Variants in NEK1 observed in about 807,000 individuals in gnomAD.
The protein encoded by NEK1 is serine/threonine-protein kinase Nek1.
In NEK1, 137 loss-of-function variants were observed where a neutral mutation model predicts 182.1. The ratio of observed to expected loss-of-function variants is 0.75; its 90% CI spans 0.65 to 0.87. NEK1 has a LOEUF of 0.87. Among genes scored for constraint, NEK1 ranks in the 40% least tolerant of loss-of-function variants. The pLI, the probability that NEK1 is intolerant of heterozygous loss-of-function variation, is 0.00. For missense variants in NEK1, 1,391 were observed against 1,494.4 expected (o/e 0.93, Z 1.14); for synonymous variants, 513 against 492.2 (o/e 1.04, Z -0.56).
chr4:169,515,706 T>G (rs1429034808), intron 19 of NEK1, among the ~76,000 whole-genome samples: 2 of 94,466 alleles, frequency 2.1e-5, no homozygotes, highest in East Asian at 3.1e-4. Context: ...CCTGTGTCCA[T>G]GTGATCTCAT....
chr4:169,572,044 G>A (rs1363859189), intron 12 of NEK1, among the ~76,000 whole-genome samples: 1 of 151,786 alleles, frequency 6.6e-6, no homozygotes, highest in Non-Finnish European at 1.5e-5. Flanking sequence ...GGGCCCGGCC[G>A]ACCCTGGCTT....
In NEK1 at chr4:169,555,731, G is replaced by A; in HGVS notation, c.1551C>T (p.Ala517=). The change falls in exon 18 of 36, where the codon GCC becomes GCT. Residue 517 remains alanine (A), a synonymous_variant. Coordinates refer to ENST00000507142, the MANE Select transcript of NEK1 (RefSeq NM_001199397.3). ...LKRLKAVSKQ[A]NANRQKGQLA... ...CATCACAGTCCAACCTGTTTGCATT[G>A]GCTTGTTTAGACACCGCCTTCAATC... 6.2e-7 allele frequency: 1 copy of A among 1,613,714 alleles called. No homozygotes were observed. The highest frequency in any genetic ancestry group is 8.5e-7 in the Non-Finnish European group (1 of 1,179,730).
intron 19 of NEK1, among the ~76,000 whole-genome samples, chr4:169,526,178 G>T (rs575146603): frequency 1.3e-5 from 2 of 152,154 alleles, no homozygotes; most frequent in South Asian, 4.1e-4. Context: ...ACCTATACAG[G>T]GAAAATTTTA....
chr4:169,496,319 T>C (rs995240459), intron 23 of NEK1, among the ~76,000 whole-genome samples: 1 of 151,746 alleles, frequency 6.6e-6, no homozygotes, highest in African/African-American at 2.4e-5. Flanking sequence ...ACGATGGGGT[T>C]TTCTAGATAT....
At chr4:169,405,983 A>G (rs1732518279) in intron 32 of NEK1, among the ~76,000 whole-genome samples, 1 of 151,878 alleles carries the variant, frequency 6.6e-6, no homozygotes, top group Admixed American at 6.6e-5. Flanking sequence ...AAGTAATCTC[A>G]GCTACTCAGG....
At position 169,477,451 on chromosome 4, in the gene NEK1, T is replaced by G; in HGVS notation, c.2186A>C (p.Lys729Thr). 1.2e-6 allele frequency: 2 copies of G among 1,607,510 alleles called. No individual in the cohort carries two copies. Among genetic ancestry groups the G allele is most frequent in the South Asian group, 2.2e-5 (2 of 89,202 alleles). The stretch of plus-strand genomic sequence containing the variant: ...ACTTACTGAAATAGCATTGTTGGTC[T>G]TTTGCATCTCTTCTGAAGTTTCCCG... Reference protein sequence around the residue: ...DTRETSEEMQKTNNAISSKRE... With the variant: ...DTRETSEEMQTTNNAISSKRE... The change falls in exon 25 of 36, where the codon AAG (lysine) becomes ACG (threonine). Residue 729 changes from lysine (K) to threonine (T), a missense_variant. Transcript: ENST00000507142.
At chr4:169,587,756 C>A (rs532498132) in intron 8 of NEK1, 143 bp from the exon 9 acceptor site, 2 of 465,710 alleles carry the variant, frequency 4.3e-6, no homozygotes, top group African/African-American at 4.1e-5. Flanking sequence ...CAACCATAAT[C>A]AAATGACAAA....
At chr4:169,523,837 A>T (rs565008930) in intron 19 of NEK1, among the ~76,000 whole-genome samples, 1 of 152,322 alleles carries the variant, frequency 6.6e-6, no homozygotes, top group African/African-American at 2.4e-5. Context: ...TACAGTCATT[A>T]ATTTCTGTAT....
intron 27 of NEK1, among the ~76,000 whole-genome samples, chr4:169,456,004 T>C (rs988080118): frequency 6.6e-6 from 1 of 152,134 alleles, no homozygotes; most frequent in Non-Finnish European, 1.5e-5. Context: ...CCTGAAATTA[T>C]ACCAAGTTTC....
In NEK1 at chr4:169,461,520, C is replaced by A. The variant is rs376423785; in HGVS notation, c.2587+1723G>T. Among the ~76,000 whole-genome samples, 73 of 152,226 alleles carry A rather than the reference C, an allele frequency of 4.8e-4. No homozygotes were observed. The South Asian group carries it at 0.015, about 31-fold the overall frequency. ...ATATAGTACTGATAAAGTAAAGCTACCTCAGCTGTGGCCGCAGAGCATTTC... is the reference window on the plus strand; with the variant it reads ...ATATAGTACTGATAAAGTAAAGCTAACTCAGCTGTGGCCGCAGAGCATTTC... On this transcript the variant is annotated intron_variant, in intron 27 of 35. Coordinates refer to ENST00000507142, the MANE Select transcript of NEK1 (RefSeq NM_001199397.3).
At chr4:169,555,595 C>T in intron 18 of NEK1, 125 bp downstream of exon 18, 1 of 1,296,168 alleles carries the variant, frequency 7.7e-7, no homozygotes, top group Non-Finnish European at 1.1e-6. Context: ...TTATTGTACC[C>T]AAGAGGCAAA....
intron 27 of NEK1, among the ~76,000 whole-genome samples, chr4:169,446,014 G>A (rs1740484536): frequency 6.6e-6 from 1 of 151,754 alleles, no homozygotes; most frequent in Non-Finnish European, 1.5e-5. Flanking sequence ...ACTTATAGGT[G>A]GGAGCTAAAA....
At chr4:169,438,286 T>G (rs759061965) in intron 27 of NEK1, 27 bp from the exon 28 acceptor site, 63 of 1,502,688 alleles carry the variant, frequency 4.2e-5, no homozygotes, top group Non-Finnish European at 5.5e-5. Flanking sequence ...TAAAAAATCA[T>G]GCTAGTTCTC....
At chr4:169,460,120 G>C (rs934782563) in intron 27 of NEK1, among the ~76,000 whole-genome samples, 1 of 152,008 alleles carries the variant, frequency 6.6e-6, no homozygotes, top group Non-Finnish European at 1.5e-5. Flanking sequence ...GTGTGTGTAT[G>C]GGGGAAGGGC....
chr4:169,600,949 C>T (rs57452030), intron 4 of NEK1, among the ~76,000 whole-genome samples: 12,996 of 152,044 alleles, frequency 0.085, 671 homozygotes, highest in East Asian at 0.17. Context: ...TTGCTCAAAA[C>T]CTTTTAACTT....
At chr4:169,493,781 A>G (rs4317165) in intron 23 of NEK1, among the ~76,000 whole-genome samples, 13,037 of 152,302 alleles carry the variant, frequency 0.086, 677 homozygotes, top group East Asian at 0.17. Flanking sequence ...TTCAAGAAAT[A>G]TAAGATTATG....
At position 169,599,156 on chromosome 4, in the gene NEK1, C is replaced by T; in HGVS notation, c.256G>A (p.Gly86Arg). Residue 86 changes from glycine to arginine, a missense_variant, in exon 5 of 36, where the codon GGG (glycine) becomes AGG (arginine). Gly to Arg is a moderately radical substitution (Grantham distance 125, BLOSUM62 -2). Around this residue, in one of 5 missense-constraint regions of NEK1, gnomAD observed 116 missense variants for 114.5 expected, o/e 1.01. Coordinates refer to ENST00000507142, the MANE Select transcript of NEK1 (RefSeq NM_001199397.3). ...LYIVMDYCEG[G>R]DLFKRINAQK... ...GCATTTATTCGCTTAAACAGATCCCCTCCCTCACAGTAATCCATTACTATG... is the reference window on the plus strand; with the variant it reads ...GCATTTATTCGCTTAAACAGATCCCTTCCCTCACAGTAATCCATTACTATG... The T allele has an allele frequency of 6.2e-7, 1 of 1,613,420 alleles. No homozygotes were observed. Among genetic ancestry groups the T allele is most frequent in the Non-Finnish European group, 8.5e-7 (1 of 1,179,674 alleles).
chr4:169,571,179 A>AAATAAAT (rs1554071075), intron 12 of NEK1, among the ~76,000 whole-genome samples: 1 of 143,296 alleles, frequency 7.0e-6, no homozygotes, highest in African/African-American at 2.5e-5. Flanking sequence ...GATCAATAAA[A>AAATAAAT]AAATAAATAA....
intron 29 of NEK1, among the ~76,000 whole-genome samples, chr4:169,427,215 C>A (rs371456467): frequency 6.6e-6 from 1 of 151,960 alleles, no homozygotes; most frequent in Non-Finnish European, 1.5e-5. Context: ...CAACCTCTGC[C>A]TCCTGGGTTC....
Sources: allele counts gnomAD v4.1 joint callset (sites outside exome capture counted in the v4.1 genomes callset), GRCh38; gene constraint gnomAD v4.1.1; regional missense constraint gnomAD v4.1.1; transcripts MANE v1.5; gene names NCBI Gene and HGNC (gene_info 2026-07-23, HGNC 2026-07-21).